Variants in HERC2 observed in about 807,000 individuals in gnomAD.
HERC2 encodes HECT and RLD domain containing E3 ubiquitin protein ligase 2, also known as E3 ubiquitin-protein ligase HERC2.
HERC2 carries 102 observed loss-of-function variants against 537.7 expected under a neutral mutation model. The ratio of observed to expected loss-of-function variants is 0.19; its 90% confidence interval spans 0.16 to 0.22. The LOEUF (loss-of-function observed/expected upper bound fraction) is 0.22. Among genes scored for constraint, HERC2 ranks in the 10% least tolerant of loss-of-function variants. HERC2 has a pLI of 1.00. For missense variants in HERC2, 4,236 were observed against 6,198.2 expected (o/e 0.68, Z 10.63); for synonymous variants, 2,224 against 2,466.2 (o/e 0.90, Z 2.91).
chr15:28,132,079 C>T (rs1236923206), intron 81 of HERC2, 21 bp downstream of exon 81: 3 of 1,568,182 alleles, frequency 1.9e-6, no homozygotes, highest in African/African-American at 2.7e-5. Flanking sequence ...GAGCACTGGG[C>T]AGGGAAAGAA....
At chr15:28,295,513 C>A (rs2076444654) in intron 3 of HERC2, among the ~76,000 whole-genome samples, 1 of 152,152 alleles carries the variant, frequency 6.6e-6, no homozygotes, top group Admixed American at 6.5e-5. Flanking sequence ...GATTCTCGTG[C>A]CTCAGCCCCC....
chr15:28,292,575 G>A (rs1393717519), intron 4 of HERC2, among the ~76,000 whole-genome samples: 1 of 152,136 alleles, frequency 6.6e-6, no homozygotes, highest in African/African-American at 2.4e-5. Flanking sequence ...CAGCAACTCA[G>A]GAGTGTGAGG....
At chr15:28,162,721 C>G (rs1274427853) in intron 69 of HERC2, among the ~76,000 whole-genome samples, 2 of 151,962 alleles carry the variant, frequency 1.3e-5, no homozygotes, top group Admixed American at 6.6e-5. Flanking sequence ...AACCCCGACT[C>G]TACTAAAAAT....
Position 28,272,355 on chromosome 15 carries a change from G to C in HERC2, c.943C>G (p.Gln315Glu). 1.2e-6 allele frequency: 2 copies of C among 1,612,430 alleles called. No individual in the cohort carries two copies. Among genetic ancestry groups the C allele is most frequent in the Non-Finnish European group, 1.7e-6 (2 of 1,179,158 alleles). Residue 315 changes from glutamine to glutamate, a missense_variant, in exon 9 of 93, where the codon CAG becomes GAG. Transcript: ENST00000261609. Reference sequence around the variant, plus strand: ...TCCTGTGCCCCGCTGTCCCACAGCTGAAGCAACAACAGGATGGCAGACAAC... The same window carrying C: ...TCCTGTGCCCCGCTGTCCCACAGCTCAAGCAACAACAGGATGGCAGACAAC... ...QMLSAILLLL[Q>E]LWDSGAQETD... is the part of the protein sequence containing the mutation.
At chr15:28,123,006 T>G (rs1018229304) in intron 85 of HERC2, among the ~76,000 whole-genome samples, 7 of 152,206 alleles carry the variant, frequency 4.6e-5, no homozygotes. Flanking sequence ...AAGGTAAAAT[T>G]AATCGTTTGC....
intron 50 of HERC2, among the ~76,000 whole-genome samples, chr15:28,197,699 C>T (rs1218136972): frequency 2.0e-5 from 3 of 152,106 alleles, no homozygotes; most frequent in African/African-American, 7.2e-5. Context: ...TGCAGTGAGT[C>T]AAGATGGCGC....
Position 28,144,144 on chromosome 15 carries a change from G to A in HERC2, c.11232C>T (p.Ala3744=), listed in dbSNP as rs745893650. ...GGCGAGGGACGATGCTTCTGTTAGA[G>A]GCAAGGTTGAGTCGGAAGTCTAACA... ...TCLLDFRLNL[A]SNRSIVPRLA... is the part of the protein sequence containing the mutation. Residue 3744 remains alanine (A), a synonymous_variant, in exon 73 of 93, where the codon GCC becomes GCT. Coordinates refer to ENST00000261609, the MANE Select transcript of HERC2 (RefSeq NM_004667.6). The A allele has an allele frequency of 3.4e-5, 55 of 1,614,056 alleles. 2 individuals carry two copies. The Middle Eastern group carries it at 3.5e-3, about 101-fold the overall frequency.
At chr15:28,125,230 T>C (rs1238725680) in intron 83 of HERC2, 37 bp from the exon 84 acceptor site, 4 of 1,542,940 alleles carry the variant, frequency 2.6e-6, no homozygotes, top group Admixed American at 1.7e-5. Flanking sequence ...ACCTGTATAC[T>C]AGGGCCAACA....
At chr15:28,138,106 G>C (rs145199873) in intron 78 of HERC2, among the ~76,000 whole-genome samples, 198 of 152,334 alleles carry the variant, frequency 1.3e-3, no homozygotes, top group African/African-American at 4.6e-3. Context: ...GCTGCTGAAG[G>C]AAAGTCTGAA....
intron 68 of HERC2, among the ~76,000 whole-genome samples, chr15:28,165,548 TTGAGAGGA>T (rs1894042388): frequency 6.6e-6 from 1 of 151,890 alleles, no homozygotes; most frequent in African/African-American, 2.4e-5. Context: ...TCCCAGCACT[TTGAGAGGA>T]TGAGGCAGGC....
At chr15:28,229,144 A>G in intron 34 of HERC2, 51 bp downstream of exon 34, 1 of 1,490,406 alleles carries the variant, frequency 6.7e-7, no homozygotes, top group South Asian at 1.1e-5. Context: ...TTTCCACAAC[A>G]TATAATTAAA....
In HERC2 at chr15:28,152,818, G is replaced by C. The variant is rs369585550; in HGVS notation, c.10759C>G (p.Leu3587Val). ...AACTCGGTGACACAGAGCTCCAACA[G>C]CATATCTGCCACCTGGAGAGGAAGC... is the stretch of plus-strand genomic sequence containing the variant. ...GTAYPQVADM[L>V]LELCVTELED... Residue 3587 changes from leucine (L) to valine (V), a missense_variant, in exon 70 of 93, where the codon CTG (leucine) becomes GTG (valine). Physicochemically the swap from Leu to Val is conservative, Grantham distance 32 (BLOSUM62 1). Coordinates refer to ENST00000261609, the MANE Select transcript of HERC2 (RefSeq NM_004667.6). 68 of 1,561,922 alleles carry C rather than the reference G, an allele frequency of 4.4e-5. 1 individual carries two copies. The South Asian group carries it at 7.4e-4, about 17-fold the overall frequency.
rs1442899251 is a variant in HERC2 at position 28,206,788 on chromosome 15, G to A, written c.7070-406C>T. On this transcript the variant is annotated intron_variant, in intron 44 of 92. Coordinates refer to ENST00000261609, the MANE Select transcript of HERC2 (RefSeq NM_004667.6). Reference sequence around the variant, plus strand: ...GCGGAGCTTGCAGTGAGCTGAGATTGTGCCACTGCACTCCAGCCTGGGCGA... The same window carrying A: ...GCGGAGCTTGCAGTGAGCTGAGATTATGCCACTGCACTCCAGCCTGGGCGA... 2.5e-3 allele frequency among the ~76,000 whole-genome samples: 324 copies of A among 130,474 alleles called. 2 individuals carry two copies. The highest frequency in any genetic ancestry group is 7.1e-3 in the African/African-American group (248 of 35,024). 85.6% of individuals were successfully genotyped at this position (130,474 alleles called of 152,430 possible). A position where few individuals can be genotyped will look rare whatever the true frequency, so the allele number is the denominator to read the frequency against.
At chr15:28,141,402 G>T in intron 78 of HERC2, 30 bp downstream of exon 78, 1 of 1,605,930 alleles carries the variant, frequency 6.2e-7, no homozygotes, top group South Asian at 1.1e-5. Context: ...CAGGCTCAAT[G>T]ACCTTGTGAC....
At chr15:28,126,213 A>G (rs1889466204) in intron 83 of HERC2, among the ~76,000 whole-genome samples, 1 of 152,216 alleles carries the variant, frequency 6.6e-6, no homozygotes, top group South Asian at 2.1e-4. Flanking sequence ...AACCAGTACA[A>G]CACATTGAGA....
At chr15:28,158,486 T>G (rs139738926) in intron 69 of HERC2, among the ~76,000 whole-genome samples, 3 of 152,192 alleles carry the variant, frequency 2.0e-5, no homozygotes, top group Non-Finnish European at 4.4e-5. Context: ...TTTACCATTA[T>G]GTAATGGCCT....
At chr15:28,185,852 T>C (rs913415374) in intron 56 of HERC2, among the ~76,000 whole-genome samples, 3 of 152,224 alleles carry the variant, frequency 2.0e-5, no homozygotes, top group Admixed American at 6.5e-5. Context: ...ATGCATGTGT[T>C]TGTCTTGTTT....
In HERC2 at chr15:28,307,444, A is replaced by G. The variant is rs145747102; in HGVS notation, c.73-7928T>C. ...TTAGCTCCTTCTTTTCTAGTTCTTT[A>G]AGATGTATCATTAGGTTATTTATTT... On this transcript the variant is annotated intron_variant, in intron 2 of 92. Coordinates refer to ENST00000261609, the MANE Select transcript of HERC2 (RefSeq NM_004667.6). Among the ~76,000 whole-genome samples, 1,289 of 152,258 alleles carry G rather than the reference A, an allele frequency of 8.5e-3. 20 individuals are homozygous for G. Among genetic ancestry groups the G allele is most frequent in the Middle Eastern group, 0.059 (17 of 290 alleles).
intron 4 of HERC2, among the ~76,000 whole-genome samples, chr15:28,290,805 G>A (rs1279437102): frequency 6.6e-6 from 1 of 152,162 alleles, no homozygotes; most frequent in Non-Finnish European, 1.5e-5. Context: ...GTGAAATGTG[G>A]CTAAACAATG....
Sources: allele counts gnomAD v4.1 joint callset (sites outside exome capture counted in the v4.1 genomes callset), GRCh38; gene constraint gnomAD v4.1.1; transcripts MANE v1.5; gene names NCBI Gene and HGNC (gene_info 2026-07-23, HGNC 2026-07-21).